Variants in ADAM32 observed in about 807,000 individuals in gnomAD.
ADAM32 encodes ADAM metallopeptidase domain 32, also known as disintegrin and metalloproteinase domain-containing protein 32.
A neutral mutation model predicts 114.9 loss-of-function variants in ADAM32; 89 were observed. The observed-to-expected ratio is 0.77, with a 90% CI of 0.65 to 0.92. The LOEUF (loss-of-function observed/expected upper bound fraction) is 0.92, where lower values mean the gene tolerates loss of function less well. Ranked by LOEUF, ADAM32 falls within the 40% of genes least tolerant of loss-of-function variation. ADAM32 has a pLI of 0.00. For synonymous variants in ADAM32, 285 were observed against 307.5 expected (o/e 0.93, Z 0.77); for missense variants, 870 against 932.8 (o/e 0.93, Z 0.88).
chr8:39,268,623 T>C (rs1812514100), intron 19 of ADAM32, among the ~76,000 whole-genome samples: 1 of 152,224 alleles, frequency 6.6e-6, no homozygotes, highest in Non-Finnish European at 1.5e-5. Context: ...CAATTTCTTT[T>C]TTTATAGATC....
At chr8:39,142,094 A>G (rs1803197210) in intron 3 of ADAM32, among the ~76,000 whole-genome samples, 1 of 151,710 alleles carries the variant, frequency 6.6e-6, no homozygotes, top group Admixed American at 6.6e-5. Flanking sequence ...TGCATTTTTA[A>G]GTGGCACGTG....
At chr8:39,128,621 G>C (rs768662832) in intron 2 of ADAM32, among the ~76,000 whole-genome samples, 3 of 152,076 alleles carry the variant, frequency 2.0e-5, no homozygotes, top group Non-Finnish European at 2.9e-5. Context: ...TCACTGGTCT[G>C]TGTACTTCAG....
chr8:39,184,148 T>C (rs1313071108), intron 10 of ADAM32, among the ~76,000 whole-genome samples: 1 of 152,224 alleles, frequency 6.6e-6, no homozygotes, highest in Non-Finnish European at 1.5e-5. Flanking sequence ...TCTTTTGCTT[T>C]TGCACCAGGC....
intron 11 of ADAM32, among the ~76,000 whole-genome samples, chr8:39,210,048 A>G (rs1343877417): frequency 6.6e-6 from 1 of 152,176 alleles, no homozygotes; most frequent in Non-Finnish European, 1.5e-5. Flanking sequence ...AGCTTCTTTC[A>G]TCAGCCAGTG....
intron 11 of ADAM32, among the ~76,000 whole-genome samples, chr8:39,192,873 C>T (rs1405362892): frequency 6.6e-6 from 1 of 152,154 alleles, no homozygotes; most frequent in Non-Finnish European, 1.5e-5. Context: ...GGGGTTTCTG[C>T]TGAGAGGTCC....
At chr8:39,138,163 GTA>G (rs1333408798) in intron 3 of ADAM32, among the ~76,000 whole-genome samples, 1 of 151,948 alleles carries the variant, frequency 6.6e-6, no homozygotes, top group Non-Finnish European at 1.5e-5. Flanking sequence ...TTTTTTGTGT[GTA>G]TGTTTTTTTA....
chr8:39,216,017 A>C (rs1219467265), intron 12 of ADAM32, among the ~76,000 whole-genome samples: 1 of 151,972 alleles, frequency 6.6e-6, no homozygotes, highest in Non-Finnish European at 1.5e-5. Context: ...TCCAGCTGTT[A>C]TTGTATTGGG....
chr8:39,221,913 T>C (rs1808997094), intron 13 of ADAM32, among the ~76,000 whole-genome samples: 1 of 152,062 alleles, frequency 6.6e-6, no homozygotes, highest in South Asian at 2.1e-4. Context: ...TGCTGTTTTT[T>C]TAAGCCTTGA....
chr8:39,179,648 AG>A (rs1424042135), intron 10 of ADAM32, among the ~76,000 whole-genome samples: 1 of 152,164 alleles, frequency 6.6e-6, no homozygotes, highest in Admixed American at 6.5e-5. Flanking sequence ...TTTTCAAGGT[AG>A]GGCTGCACAA....
At chr8:39,207,610 A>T (rs896460717) in intron 11 of ADAM32, among the ~76,000 whole-genome samples, 2 of 152,232 alleles carry the variant, frequency 1.3e-5, no homozygotes, top group Non-Finnish European at 2.9e-5. Flanking sequence ...CTACATTGTC[A>T]TTTGGTATAG....
At chr8:39,249,475 A>G (rs546272671) in intron 17 of ADAM32, among the ~76,000 whole-genome samples, 21 of 152,074 alleles carry the variant, frequency 1.4e-4, no homozygotes, top group African/African-American at 4.6e-4. Context: ...ATATTTTTCT[A>G]TGGTTTTGAT....
At position 39,274,463 on chromosome 8, in the gene ADAM32, A is replaced by C. The variant is rs891407450; in HGVS notation, c.2240+113A>C. The stretch of plus-strand genomic sequence containing the variant: ...ACAATGTCAATTGGTAAAGCAATGC[A>C]CTAAAATCCAGACTGCTAATATACA... On this transcript the variant is annotated intron_variant, in intron 21 of 24. Coordinates refer to ENST00000379907, the MANE Select transcript of ADAM32 (RefSeq NM_145004.7). The C allele has an allele frequency of 2.1e-5, 25 of 1,188,234 alleles. No individual in the cohort carries two copies. In the South Asian group the frequency reaches 3.4e-4, roughly 16 times the overall value. The allele number at this position is 1,188,234 out of a possible 1,614,324, so 73.6% of individuals were successfully genotyped here. A position where few individuals can be genotyped will look rare whatever the true frequency, so the allele number is the denominator to read the frequency against.
chr8:39,116,577 CATTG>C (rs1416233612), intron 1 of ADAM32, among the ~76,000 whole-genome samples: 1 of 151,992 alleles, frequency 6.6e-6, no homozygotes, highest in Non-Finnish European at 1.5e-5. Context: ...GATTTTTGTA[CATTG>C]ATTTTGTATC....
chr8:39,168,995 A>G (rs1389222254), intron 9 of ADAM32: 1 of 152,234 alleles, frequency 6.6e-6, no homozygotes, highest in Non-Finnish European at 1.5e-5. Context: ...AATGTTTGGC[A>G]TTAGGAACAA....
At chr8:39,264,617 C>G in intron 19 of ADAM32, among the ~76,000 whole-genome samples, 1 of 151,988 alleles carries the variant, frequency 6.6e-6, no homozygotes, top group East Asian at 1.9e-4. Flanking sequence ...TCTTGTTTTT[C>G]TAGGTCTTCT....
At chr8:39,212,271 C>T (rs1361827131) in intron 12 of ADAM32, among the ~76,000 whole-genome samples, 1 of 152,098 alleles carries the variant, frequency 6.6e-6, no homozygotes, top group Non-Finnish European at 1.5e-5. Flanking sequence ...GCCTCGGCCT[C>T]CCAAAGTGCT....
chr8:39,117,653 T>C (rs998857364), intron 1 of ADAM32, among the ~76,000 whole-genome samples: 1 of 151,524 alleles, frequency 6.6e-6, no homozygotes. Context: ...CATGATTTTC[T>C]TTTTTTTTCT....
chr8:39,217,766 C>T (rs1808689812), intron 12 of ADAM32, among the ~76,000 whole-genome samples: 2 of 152,130 alleles, frequency 1.3e-5, no homozygotes, highest in Non-Finnish European at 2.9e-5. Context: ...TGAATTCCTT[C>T]TCTGTGTTGT....
chr8:39,130,045 C>T (rs1341432618), intron 2 of ADAM32: 3 of 226,814 alleles, frequency 1.3e-5, no homozygotes, highest in Non-Finnish European at 2.7e-5. Flanking sequence ...ACCTCAGCCT[C>T]CCAGGTTCAA....
Sources: gnomAD v4.1 joint callset for allele counts (sites outside exome capture counted in the v4.1 genomes callset) on GRCh38, gnomAD v4.1.1 for gene constraint, MANE v1.5 for transcripts, NCBI Gene and HGNC (gene_info 2026-07-23, HGNC 2026-07-21) for gene names.